SLC25A26: variants seen among roughly 807,000 people sequenced by gnomAD.
SLC25A26 encodes mitochondrial S-adenosylmethionine carrier protein.
A neutral mutation model predicts 37.8 loss-of-function variants in SLC25A26; 36 were observed. The observed-to-expected ratio is 0.95, with a 90% CI of 0.73 to 1.26. The LOEUF (loss-of-function observed/expected upper bound fraction) is 1.26, where lower values mean the gene tolerates loss of function less well. Ranked by LOEUF, SLC25A26 falls within the 50% of genes most tolerant of loss-of-function variation. The probability of loss-of-function intolerance (pLI) is 0.00; values close to 1 mark genes in which losing one functional copy is unlikely to be tolerated. For synonymous variants in SLC25A26, 129 were observed against 122.5 expected (o/e 1.05, Z -0.35); for missense variants, 390 against 331.1 (o/e 1.18, Z -1.38).
chr3:66,365,282 A>G (rs2076800269), intron 7 of SLC25A26, among the ~76,000 whole-genome samples: 3 of 152,208 alleles, frequency 2.0e-5, no homozygotes, highest in South Asian at 2.1e-4. Flanking sequence ...ATCATTGCAG[A>G]TGAACCATTC....
At chr3:66,326,890 A>G (rs900324822) in intron 5 of SLC25A26, among the ~76,000 whole-genome samples, 7 of 152,144 alleles carry the variant, frequency 4.6e-5, no homozygotes, top group African/African-American at 1.7e-4. Flanking sequence ...GGTCCTCTCC[A>G]CACCTACTTA....
intron 7 of SLC25A26, among the ~76,000 whole-genome samples, chr3:66,364,053 G>A (rs2107812791): frequency 6.6e-6 from 1 of 152,086 alleles, no homozygotes. Flanking sequence ...TGGGCCCTGG[G>A]GACAAAATGA....
intron 1 of SLC25A26, among the ~76,000 whole-genome samples, chr3:66,142,838 G>T (rs1038481992): frequency 9.2e-5 from 14 of 152,034 alleles, no homozygotes; most frequent in African/African-American, 3.4e-4. Flanking sequence ...ATCTTAGCTT[G>T]CTGTAACCCC....
intron 1 of SLC25A26, among the ~76,000 whole-genome samples, chr3:66,232,159 A>C (rs190355465): frequency 6.6e-6 from 1 of 152,288 alleles, no homozygotes; most frequent in Non-Finnish European, 1.5e-5. Flanking sequence ...CATTTTGCCA[A>C]ATTGTCCTCC....
chr3:66,259,848 A>G (rs1450218586), intron 3 of SLC25A26, among the ~76,000 whole-genome samples: 3 of 152,090 alleles, frequency 2.0e-5, no homozygotes, highest in African/African-American at 4.8e-5. Context: ...ATGAAGTTTC[A>G]GCCCCTTAGC....
chr3:66,369,643 C>T, intron 8 of SLC25A26, 101 bp downstream of exon 8: 3 of 1,000,972 alleles, frequency 3.0e-6, no homozygotes, highest in South Asian at 3.0e-5. Context: ...TACCATTTAC[C>T]TGTAATAGCA....
At chr3:66,160,048 G>A (rs1224174389) in intron 1 of SLC25A26, among the ~76,000 whole-genome samples, 2 of 152,044 alleles carry the variant, frequency 1.3e-5, no homozygotes, top group African/African-American at 4.8e-5. Flanking sequence ...TGTCACCCAG[G>A]CTGGAGTGCA....
chr3:66,234,183 C>T (rs1243248586), intron 1 of SLC25A26, among the ~76,000 whole-genome samples: 1 of 152,138 alleles, frequency 6.6e-6, no homozygotes, highest in Non-Finnish European at 1.5e-5. Flanking sequence ...ATCTCAAATT[C>T]CTGGGCTCAA....
At chr3:66,150,531 AT>A (rs1559551776) in intron 1 of SLC25A26, among the ~76,000 whole-genome samples, 1 of 133,238 alleles carries the variant, frequency 7.5e-6, no homozygotes, top group Admixed American at 8.1e-5. Context: ...AATGATATAT[AT>A]ATATATATAT....
At chr3:66,300,873 C>T (rs2075057035) in intron 5 of SLC25A26, among the ~76,000 whole-genome samples, 1 of 152,112 alleles carries the variant, frequency 6.6e-6, no homozygotes, top group African/African-American at 2.4e-5. Flanking sequence ...ATTTATGCTT[C>T]TGTATATGCA....
At chr3:66,327,185 G>A (rs1183138613) in intron 5 of SLC25A26, among the ~76,000 whole-genome samples, 2 of 151,998 alleles carry the variant, frequency 1.3e-5, no homozygotes, top group African/African-American at 4.8e-5. Flanking sequence ...TCACAATACT[G>A]GTTATTTTAG....
At chr3:66,271,088 T>G (rs9827792) in intron 5 of SLC25A26, among the ~76,000 whole-genome samples, 1,736 of 152,256 alleles carry the variant, frequency 0.011, 35 homozygotes, top group African/African-American at 0.036. Flanking sequence ...AGGTGGAAAT[T>G]ATCTGTTAAT....
intron 1 of SLC25A26, among the ~76,000 whole-genome samples, chr3:66,195,137 G>T (rs2071023551): frequency 6.6e-6 from 1 of 152,148 alleles, no homozygotes; most frequent in Non-Finnish European, 1.5e-5. Context: ...GCTCCCCAAC[G>T]CATGCTCGCA....
chr3:66,362,938 GATTAT>G lies in SLC25A26; in HGVS notation c.568+16_568+20del, dbSNP rs1397146639. The G allele has an allele frequency of 6.3e-7, 1 of 1,582,218 alleles. No individual in the cohort carries two copies. Among genetic ancestry groups the G allele is most frequent in the African/African-American group, 1.4e-5 (1 of 74,010 alleles). On this transcript the variant is annotated intron_variant, in intron 7 of 9. Transcript: ENST00000354883. ...CTGTGGAGCTTTTGCAGGTGCAAAG[GATTAT>G]ATTATACTGGGAAAGACCAAAGAGG...
At chr3:66,375,895 T>G (rs1164766899) in intron 9 of SLC25A26, among the ~76,000 whole-genome samples, 1 of 151,768 alleles carries the variant, frequency 6.6e-6, no homozygotes, top group East Asian at 1.9e-4. Context: ...TTGCTAGATG[T>G]GGGCAAAGTA....
intron 1 of SLC25A26, among the ~76,000 whole-genome samples, chr3:66,228,753 G>A (rs979257657): frequency 1.3e-5 from 2 of 152,090 alleles, no homozygotes; most frequent in Non-Finnish European, 2.9e-5. Flanking sequence ...AGGTCATATA[G>A]GTATAATTTT....
At chr3:66,264,745 G>T (rs1214732071) in intron 5 of SLC25A26, among the ~76,000 whole-genome samples, 1 of 152,186 alleles carries the variant, frequency 6.6e-6, no homozygotes, top group Admixed American at 6.5e-5. Context: ...GGGGACCGCT[G>T]GTTTAAGAGG....
intron 1 of SLC25A26, among the ~76,000 whole-genome samples, chr3:66,159,357 C>T (rs2070325763): frequency 6.6e-6 from 1 of 152,220 alleles, no homozygotes; most frequent in Non-Finnish European, 1.5e-5. Flanking sequence ...ATTAAATCCT[C>T]ATTTTCCCAC....
chr3:66,155,134 C>G (rs1559553510), intron 1 of SLC25A26, among the ~76,000 whole-genome samples: 1 of 152,312 alleles, frequency 6.6e-6, no homozygotes, highest in East Asian at 1.9e-4. Context: ...AGGACAGTGT[C>G]TAGTTTTTGC....
Sources: allele counts gnomAD v4.1 joint callset (sites outside exome capture counted in the v4.1 genomes callset), GRCh38; gene constraint gnomAD v4.1.1; transcripts MANE v1.5; gene names NCBI Gene and HGNC (gene_info 2026-07-23, HGNC 2026-07-21).